The following NOL8 variants were observed in gnomAD, a reference collection of about 807,000 sequenced individuals.
The protein encoded by NOL8 is nucleolar protein 8.
A neutral mutation model predicts 116.1 loss-of-function variants in NOL8; 93 were observed. That is an observed-to-expected ratio of 0.80 (90% confidence interval 0.68 to 0.95). NOL8 has a LOEUF of 0.95. Among genes scored for constraint, NOL8 ranks in the 40% least tolerant of loss-of-function variants. The pLI, the probability that NOL8 is intolerant of heterozygous loss-of-function variation, is 0.00. For synonymous variants in NOL8, 419 were observed against 469.0 expected (o/e 0.89, Z 1.38); for missense variants, 1,291 against 1,382.8 (o/e 0.93, Z 1.05).
In NOL8 at chr9:92,301,649, T is replaced by C; in HGVS notation, c.3077A>G (p.Glu1026Gly). 6.2e-7 allele frequency: 1 copy of C among 1,601,768 alleles called. No individual in the cohort carries two copies. Among genetic ancestry groups the C allele is most frequent in the Non-Finnish European group, 8.5e-7 (1 of 1,176,836 alleles). ...WNEDCGKEKP[E>G]EIQDPAALTS... ...CAGAGCTGCAGGGTCCTGGATTTCC[T>C]CAGGTTTCTCTTTACCACAGTCCTC... The change falls in exon 13 of 17, where the codon GAG (glutamate) becomes GGG (glycine). Residue 1026 changes from glutamate (E) to glycine (G), a missense_variant. Physicochemically the swap from Glu to Gly is moderately conservative, Grantham distance 98 (BLOSUM62 -2). Transcript: ENST00000442668.
chr9:92,299,772 A>T (rs1837569650), intron 14 of NOL8, 118 bp downstream of exon 14: 1 of 1,123,164 alleles, frequency 8.9e-7, no homozygotes, highest in Non-Finnish European at 1.3e-6. Flanking sequence ...AATAAAATAA[A>T]AAAAGAAGCT....
chr9:92,324,275 G>C, intron 1 of NOL8, 66 bp from the exon 2 acceptor site: 1 of 1,182,460 alleles, frequency 8.5e-7, no homozygotes, highest in South Asian at 1.6e-5. Flanking sequence ...TACTTCCTCT[G>C]AACCTTCTGT....
intron 7 of NOL8, 76 bp from the exon 8 acceptor site, chr9:92,311,335 C>G: frequency 2.0e-6 from 2 of 994,512 alleles, no homozygotes; most frequent in South Asian, 2.9e-5. Flanking sequence ...CAACAAAATC[C>G]AAAATTGACA....
intron 13 of NOL8, among the ~76,000 whole-genome samples, 156 bp downstream of exon 13, chr9:92,301,395 C>T (rs546878931): frequency 5.9e-5 from 9 of 152,262 alleles, no homozygotes; most frequent in East Asian, 1.9e-4. Context: ...TCAGGAACAT[C>T]GTGTTTATGC....
intron 13 of NOL8, chr9:92,300,587 C>G (rs1419174081): frequency 1.0e-6 from 1 of 995,974 alleles, no homozygotes; most frequent in Non-Finnish European, 1.2e-6. Context: ...AGGTCAATTT[C>G]TCACGTTTTG....
intron 4 of NOL8, among the ~76,000 whole-genome samples, chr9:92,320,832 C>T (rs1839863671): frequency 6.6e-6 from 1 of 152,176 alleles, no homozygotes; most frequent in African/African-American, 2.4e-5. Context: ...GTCTTGAACT[C>T]CTGACCTCAG....
intron 10 of NOL8, among the ~76,000 whole-genome samples, chr9:92,307,937 G>C (rs567670911): frequency 2.0e-5 from 3 of 152,170 alleles, no homozygotes; most frequent in African/African-American, 7.2e-5. Flanking sequence ...ACTGCATTAG[G>C]TTGAAACTGC....
chr9:92,306,952 T>G lies in NOL8; in HGVS notation c.2759A>C (p.Gln920Pro). ...EEKKKALNVV[Q>P]SVLQINLSNS... ...GCTTAAGTTGATTTGCAAAACACTT[T>G]GTACAACATTCAGGGCTTTCTTTTT... The change falls in exon 11 of 17, where the codon CAA becomes CCA. Residue 920 changes from glutamine (Q) to proline (P), a missense_variant. Gln to Pro is a moderately conservative substitution (Grantham distance 76, BLOSUM62 -1). Coordinates refer to ENST00000442668, the MANE Select transcript of NOL8 (RefSeq NM_017948.6). The G allele has an allele frequency of 6.2e-7, 1 of 1,613,538 alleles. No individual in the cohort carries two copies. Among genetic ancestry groups the G allele is most frequent in the Non-Finnish European group, 8.5e-7 (1 of 1,179,684 alleles).
At chr9:92,304,345 C>T (rs1297754022) in intron 12 of NOL8, among the ~76,000 whole-genome samples, 3 of 152,132 alleles carry the variant, frequency 2.0e-5, no homozygotes, top group African/African-American at 7.2e-5. Flanking sequence ...ATGCCTGTTC[C>T]ACCGCTCTAT....
chr9:92,320,903 G>A (rs1011469413), intron 4 of NOL8, among the ~76,000 whole-genome samples: 5 of 152,264 alleles, frequency 3.3e-5, no homozygotes, highest in East Asian at 1.9e-4. Context: ...CACCGTGCCC[G>A]GCCTCTATCT....
At chr9:92,313,775 G>C (rs1839081414) in intron 7 of NOL8, among the ~76,000 whole-genome samples, 1 of 152,176 alleles carries the variant, frequency 6.6e-6, no homozygotes, top group South Asian at 2.1e-4. Context: ...AACTGACTTA[G>C]TGTGTCTCCT....
rs2134133807 is a variant in NOL8 at position 92,315,106 on chromosome 9, T to C, written c.1519A>G (p.Lys507Glu). 1.2e-6 allele frequency: 2 copies of C among 1,614,010 alleles called. No individual in the cohort carries two copies. The highest frequency in any genetic ancestry group is 1.7e-6 in the Non-Finnish European group (2 of 1,179,890). Residue 507 changes from lysine (K) to glutamate (E), a missense_variant, in exon 7 of 17, where the codon AAG becomes GAG. Transcript: ENST00000442668. Reference sequence around the variant, plus strand: ...GTGGTGGTTTCTGGTCCATCACTCTTAGTATCTTCATTTGGAACCTTCAGA... The same window carrying C: ...GTGGTGGTTTCTGGTCCATCACTCTCAGTATCTTCATTTGGAACCTTCAGA... ...SDLKVPNEDT[K>E]SDGPETTTQC...
chr9:92,314,197 T>C (rs745965999), intron 7 of NOL8, 70 bp downstream of exon 7: 40 of 1,493,176 alleles, frequency 2.7e-5, no homozygotes, highest in Non-Finnish European at 3.4e-5. Flanking sequence ...GGGGCACACC[T>C]AACTTCATGG....
In NOL8 at chr9:92,310,927, C is replaced by T. The variant is rs1838722307; in HGVS notation, c.2472+219G>A. 3 of 571,224 alleles carry T rather than the reference C, an allele frequency of 5.3e-6. No homozygotes were observed. The South Asian group carries it at 7.2e-5, about 14-fold the overall frequency. 35.4% of individuals were successfully genotyped at this position (571,224 alleles called of 1,614,324 possible). A position where few individuals can be genotyped will look rare whatever the true frequency, so the allele number is the denominator to read the frequency against. On this transcript the variant is annotated intron_variant, in intron 8 of 16. Transcript: ENST00000442668. The stretch of plus-strand genomic sequence containing the variant: ...TTACATGCAAGAACAGTTTTTGTAG[C>T]GTTTCACTAATATTGATGTCATGCT...
At chr9:92,308,519 A>C (rs1440740510) in intron 10 of NOL8, among the ~76,000 whole-genome samples, 1 of 152,250 alleles carries the variant, frequency 6.6e-6, no homozygotes, top group East Asian at 1.9e-4. Flanking sequence ...AATATCCAAC[A>C]GGCGTTTAAG....
Position 92,311,262 on chromosome 9 carries a change from A to G in NOL8, c.2359-3T>C. On this transcript the variant is annotated splice_polypyrimidine_tract_variant and splice_region_variant and intron_variant, in intron 7 of 16. Coordinates refer to ENST00000442668, the MANE Select transcript of NOL8 (RefSeq NM_017948.6). ...GGCTTATCCTCTGGATGACCATCCTAGGGAGGCCATCGAAAGCATTGCATC... is the reference window on the plus strand; with the variant it reads ...GGCTTATCCTCTGGATGACCATCCTGGGGAGGCCATCGAAAGCATTGCATC... 6.2e-7 allele frequency: 1 copy of G among 1,608,504 alleles called. No homozygotes were observed. Among genetic ancestry groups the G allele is most frequent in the Non-Finnish European group, 8.5e-7 (1 of 1,176,118 alleles).
intron 7 of NOL8, among the ~76,000 whole-genome samples, 160 bp downstream of exon 7, chr9:92,314,107 T>C (rs1839119406): frequency 6.6e-6 from 1 of 152,052 alleles, no homozygotes; most frequent in African/African-American, 2.4e-5. Flanking sequence ...TATAAAGAAA[T>C]TTTCAGATAA....
intron 10 of NOL8, among the ~76,000 whole-genome samples, chr9:92,308,137 T>G (rs939580380): frequency 6.6e-6 from 1 of 152,104 alleles, no homozygotes; most frequent in Non-Finnish European, 1.5e-5. Context: ...GCCTATAATC[T>G]CAGCACTTTG....
chr9:92,324,089 G>T lies in NOL8; in HGVS notation c.73C>A (p.Gln25Lys). 6.2e-7 allele frequency: 1 copy of T among 1,614,006 alleles called. No individual in the cohort carries two copies. The change falls in exon 2 of 17, where the codon CAA becomes AAA. Residue 25 changes from glutamine (Q) to lysine (K), a missense_variant. Transcript: ENST00000442668. ...LSQDISEADL[Q>K]NQFSRFGEVS... ...TCTCCAAATCTGCTGAACTGATTTT[G>T]TAGGTCTGCCTCAGAAATGTCCTGG...
Sources: allele counts gnomAD v4.1 joint callset (sites outside exome capture counted in the v4.1 genomes callset), GRCh38; gene constraint gnomAD v4.1.1; transcripts MANE v1.5; gene names NCBI Gene and HGNC (gene_info 2026-07-23, HGNC 2026-07-21).